The following AK8 variants were observed in gnomAD, a reference collection of about 807,000 sequenced individuals.
AK8 encodes the protein ATP-AMP transphosphorylase 8.
A neutral mutation model predicts 54.6 loss-of-function variants in AK8; 44 were observed. The ratio of observed to expected loss-of-function variants is 0.81; its 90% CI spans 0.63 to 1.04. The LOEUF (loss-of-function observed/expected upper bound fraction) is 1.04, where lower values mean the gene tolerates loss of function less well. Among genes scored for constraint, AK8 ranks in the 50% least tolerant of loss-of-function variants. AK8 has a pLI of 0.00. For missense variants in AK8, 555 were observed against 613.6 expected, an observed-to-expected ratio of 0.90 and a Z score of 1.01; for synonymous variants, 239 against 245.6, an observed-to-expected ratio of 0.97 and a Z score of 0.25.
chr9:132,754,800 G>GTTTTTT (rs1239318902), intron 11 of AK8, among the ~76,000 whole-genome samples: 1 of 139,352 alleles, frequency 7.2e-6, no homozygotes, highest in African/African-American at 2.6e-5. Context: ...TTGTTTTTTG[G>GTTTTTT]TTTTTTTTTT....
chr9:132,776,165 GT>G (rs1242996163), intron 11 of AK8, among the ~76,000 whole-genome samples: 1 of 152,220 alleles, frequency 6.6e-6, no homozygotes, highest in East Asian at 1.9e-4. Flanking sequence ...TTCCACTCCA[GT>G]TCTGAGTTTA....
At chr9:132,815,698 G>A (rs1011135677) in intron 9 of AK8, among the ~76,000 whole-genome samples, 7 of 152,244 alleles carry the variant, frequency 4.6e-5, no homozygotes, top group East Asian at 1.9e-4. Flanking sequence ...AGCTAGGGCC[G>A]GCACAAAGGA....
chr9:132,863,526 T>C (rs1424065523), intron 4 of AK8, 139 bp downstream of exon 4: 2 of 630,570 alleles, frequency 3.2e-6, no homozygotes, highest in Non-Finnish European at 5.6e-6. Context: ...ACCCTGCCTG[T>C]ATCTCATTTT....
At chr9:132,840,970 G>A (rs1186616645) in intron 5 of AK8, among the ~76,000 whole-genome samples, 2 of 152,214 alleles carry the variant, frequency 1.3e-5, no homozygotes, top group East Asian at 3.9e-4. Context: ...TACTCATAAG[G>A]GATCCTCAAA....
intron 5 of AK8, among the ~76,000 whole-genome samples, chr9:132,832,595 G>A (rs975445064): frequency 2.6e-5 from 4 of 152,178 alleles, no homozygotes; most frequent in African/African-American, 9.7e-5. Context: ...TTTTGAAGCT[G>A]GAAGGTTGGA....
At chr9:132,812,528 C>CATACCCACTGGGATGACAGGG in intron 10 of AK8, among the ~76,000 whole-genome samples, 1 of 146,906 alleles carries the variant, frequency 6.8e-6, no homozygotes, top group Non-Finnish European at 1.5e-5. Context: ...GGTGAGCTAC[C>CATACCCACTGGGATGACAGGG]GTGCCCACTG....
intron 5 of AK8, among the ~76,000 whole-genome samples, chr9:132,850,855 T>A (rs868132895): frequency 2.1e-5 from 3 of 144,176 alleles, no homozygotes; most frequent in South Asian, 4.3e-4. Flanking sequence ...CATTTTCAAG[T>A]GAGAGACAGA....
At chr9:132,867,144 G>C (rs1293381206) in intron 2 of AK8, among the ~76,000 whole-genome samples, 191 bp from the exon 3 acceptor site, 1 of 152,108 alleles carries the variant, frequency 6.6e-6, no homozygotes, top group South Asian at 2.1e-4. Flanking sequence ...AGAGGTAAGT[G>C]ATCACCGAGA....
At chr9:132,827,125 G>A (rs1182909547) in intron 7 of AK8, 71 bp from the exon 8 acceptor site, 2 of 1,520,862 alleles carry the variant, frequency 1.3e-6, no homozygotes, top group East Asian at 2.3e-5. Flanking sequence ...TGCCTGGCTG[G>A]GGTGCTTGCT....
chr9:132,854,006 G>C (rs1843073302), intron 5 of AK8, among the ~76,000 whole-genome samples: 1 of 151,932 alleles, frequency 6.6e-6, no homozygotes, highest in Admixed American at 6.6e-5. Flanking sequence ...TTGATAACCA[G>C]CCTGGGCAAC....
intron 4 of AK8, 36 bp from the exon 5 acceptor site, chr9:132,854,961 A>G: frequency 6.2e-7 from 1 of 1,611,640 alleles, no homozygotes; most frequent in Admixed American, 1.7e-5. Context: ...GATGGCCCAA[A>G]CCTGCTTCCT....
chr9:132,746,297 C>T (rs547675462), intron 11 of AK8, among the ~76,000 whole-genome samples: 11 of 152,306 alleles, frequency 7.2e-5, no homozygotes, highest in Admixed American at 5.2e-4. Context: ...CTGTGGATAC[C>T]TATGAAAGAA....
At chr9:132,727,330 A>T in intron 12 of AK8, 124 bp downstream of exon 12, 1 of 879,670 alleles carries the variant, frequency 1.1e-6, no homozygotes, top group Non-Finnish European at 1.9e-6. Context: ...GTCCATTTTG[A>T]TAATCGTCCT....
intron 12 of AK8, 137 bp downstream of exon 12, chr9:132,727,317 A>C: frequency 1.2e-6 from 1 of 801,318 alleles, no homozygotes; most frequent in Non-Finnish European, 2.1e-6. Flanking sequence ...CCAGTTGGAT[A>C]AAGTCCATTT....
intron 2 of AK8, among the ~76,000 whole-genome samples, chr9:132,870,545 C>T (rs1843773002): frequency 1.3e-5 from 2 of 152,262 alleles, no homozygotes; most frequent in South Asian, 2.1e-4. Context: ...TATACACCAT[C>T]GCCTGCTTTA....
intron 11 of AK8, among the ~76,000 whole-genome samples, chr9:132,752,313 G>A (rs1837970522): frequency 6.7e-6 from 1 of 148,258 alleles, no homozygotes; most frequent in African/African-American, 2.5e-5. Context: ...GCAGTGGCGT[G>A]ATCTCTGCTC....
intron 3 of AK8, among the ~76,000 whole-genome samples, chr9:132,865,571 C>T (rs1843555047): frequency 1.3e-5 from 2 of 152,056 alleles, no homozygotes; most frequent in African/African-American, 2.4e-5. Context: ...CCTGTAATCC[C>T]AGCACTTTGG....
intron 11 of AK8, among the ~76,000 whole-genome samples, chr9:132,728,260 G>A (rs942502905): frequency 1.3e-5 from 2 of 152,198 alleles, no homozygotes; most frequent in African/African-American, 2.4e-5. Context: ...CTGCAAGGAC[G>A]CACTAGGCTC....
At chr9:132,740,723 C>T (rs543513956) in intron 11 of AK8, among the ~76,000 whole-genome samples, 5 of 152,302 alleles carry the variant, frequency 3.3e-5, no homozygotes, top group Admixed American at 3.3e-4. Flanking sequence ...CCCCCCGCCC[C>T]ACTCTGGGGC....
Sources: allele counts gnomAD v4.1 joint callset (sites outside exome capture counted in the v4.1 genomes callset), GRCh38; gene constraint gnomAD v4.1.1; transcripts MANE v1.5; gene names NCBI Gene and HGNC (gene_info 2026-07-23, HGNC 2026-07-21).